FBXW11: variants seen among roughly 807,000 people sequenced by gnomAD.
FBXW11 encodes F-box/WD repeat-containing protein 11.
Under a neutral mutation model 77.6 loss-of-function variants are expected in FBXW11, and 19 were observed. That is an observed-to-expected ratio of 0.24 (90% CI 0.17 to 0.36). The LOEUF (loss-of-function observed/expected upper bound fraction) is 0.36, where lower values mean the gene tolerates loss of function less well. FBXW11 is among the 10% of genes least tolerant of loss of function. The pLI is 1.00. For missense variants in FBXW11, 334 were observed against 704.2 expected (o/e 0.47, Z 5.95); for synonymous variants, 235 against 249.4 (o/e 0.94, Z 0.54).
At chr5:171,916,461 C>T in intron 2 of FBXW11, 1 of 985,280 alleles carries the variant, frequency 1.0e-6, no homozygotes, top group Non-Finnish European at 1.2e-6. Context: ...CAACCATGAG[C>T]TAGAGAGGAA....
intron 2 of FBXW11, among the ~76,000 whole-genome samples, chr5:171,922,862 G>A (rs967340618): frequency 7.9e-5 from 12 of 152,230 alleles, no homozygotes; most frequent in Non-Finnish European, 1.8e-4. Context: ...AATGAATGTG[G>A]ACGAATGTTT....
intron 1 of FBXW11, among the ~76,000 whole-genome samples, chr5:171,999,414 TAC>T (rs1358162115): frequency 2.0e-5 from 3 of 150,718 alleles, no homozygotes; most frequent in Admixed American, 1.3e-4. Flanking sequence ...TATATATATA[TAC>T]ACACACATAT....
chr5:171,887,028 GA>G (rs1048076433), intron 7 of FBXW11, among the ~76,000 whole-genome samples: 22 of 149,970 alleles, frequency 1.5e-4, no homozygotes, highest in African/African-American at 4.4e-4. Flanking sequence ...CAAAAAGTAA[GA>G]AAAAAAAAAT....
chr5:171,946,805 C>CTTTTTT (rs70982356), intron 2 of FBXW11, among the ~76,000 whole-genome samples: 5 of 58,634 alleles, frequency 8.5e-5, no homozygotes, highest in African/African-American at 3.9e-4. Flanking sequence ...GTGTACTTTA[C>CTTTTTT]TTTTTTTTTT....
At chr5:171,890,522 G>A (rs533680729) in intron 7 of FBXW11, among the ~76,000 whole-genome samples, 35 of 150,534 alleles carry the variant, frequency 2.3e-4, no homozygotes, top group African/African-American at 7.0e-4. Context: ...CACTGTAGAT[G>A]GGAATGTGAA....
At chr5:171,965,075 A>C (rs908840677) in intron 1 of FBXW11, among the ~76,000 whole-genome samples, 2 of 152,164 alleles carry the variant, frequency 1.3e-5, no homozygotes, top group Non-Finnish European at 2.9e-5. Flanking sequence ...AATGAGGAAA[A>C]CCAAAATTTA....
intron 1 of FBXW11, among the ~76,000 whole-genome samples, chr5:171,968,700 C>G (rs777847511): frequency 1.3e-5 from 2 of 152,134 alleles, no homozygotes; most frequent in East Asian, 1.9e-4. Context: ...TTTCTAGGAA[C>G]TGAGAGACAT....
chr5:171,862,307 C>T lies in FBXW11; in HGVS notation c.*1820G>A, dbSNP rs1236801978. On this transcript the variant is annotated 3_prime_UTR_variant, in exon 14 of 14. Transcript: ENST00000517395. ...TCAAAAACATAAATTAATTTAGTAACATGGGAAGGAAGGATTTTATTTTTA... is the reference window on the plus strand; with the variant it reads ...TCAAAAACATAAATTAATTTAGTAATATGGGAAGGAAGGATTTTATTTTTA... 1 of 152,578 alleles carries T rather than the reference C, an allele frequency of 6.6e-6. No individual in the cohort carries two copies. Among genetic ancestry groups the T allele is most frequent in the Non-Finnish European group, 1.5e-5 (1 of 68,042 alleles). The allele number at this position is 152,578 out of a possible 1,614,324, so 9.5% of individuals were successfully genotyped here.
At chr5:171,993,859 A>AT (rs1765887594) in intron 1 of FBXW11, among the ~76,000 whole-genome samples, 1 of 152,204 alleles carries the variant, frequency 6.6e-6, no homozygotes, top group Non-Finnish European at 1.5e-5. Flanking sequence ...TGTCAATTTA[A>AT]TTAAAATTAA....
At chr5:171,959,697 A>C (rs1763793217) in intron 1 of FBXW11, among the ~76,000 whole-genome samples, 1 of 151,820 alleles carries the variant, frequency 6.6e-6, no homozygotes, top group South Asian at 2.1e-4. Flanking sequence ...AAAACACAAA[A>C]ATTAGCCAGG....
intron 2 of FBXW11, among the ~76,000 whole-genome samples, chr5:171,926,807 T>C (rs1281412363): frequency 6.6e-6 from 1 of 152,184 alleles, no homozygotes; most frequent in Non-Finnish European, 1.5e-5. Flanking sequence ...GCAGAGATAT[T>C]TGGTTGTATT....
At chr5:171,897,012 T>G (rs1759785784) in intron 6 of FBXW11, among the ~76,000 whole-genome samples, 1 of 152,134 alleles carries the variant, frequency 6.6e-6, no homozygotes, top group Non-Finnish European at 1.5e-5. Flanking sequence ...GTGGTAGCAG[T>G]GGTCTATTGT....
At chr5:171,981,929 T>A (rs77759630) in intron 1 of FBXW11, among the ~76,000 whole-genome samples, 10,238 of 152,278 alleles carry the variant, frequency 0.067, 877 homozygotes, top group African/African-American at 0.21. Context: ...ATACAGTATG[T>A]GCATCTTGTA....
chr5:171,929,531 G>GA (rs1329116021), intron 2 of FBXW11, among the ~76,000 whole-genome samples: 1 of 152,116 alleles, frequency 6.6e-6, no homozygotes, highest in East Asian at 1.9e-4. Context: ...TGTCTAACTA[G>GA]AAAATCCTGC....
At chr5:172,006,014 G>A (rs1264625790) in intron 1 of FBXW11, among the ~76,000 whole-genome samples, 3 of 152,188 alleles carry the variant, frequency 2.0e-5, no homozygotes, top group African/African-American at 4.8e-5. Context: ...GGAGGCCCAG[G>A]CGGCCCCAAC....
chr5:171,959,913 A>G (rs1297862401), intron 1 of FBXW11, among the ~76,000 whole-genome samples: 1 of 152,148 alleles, frequency 6.6e-6, no homozygotes, highest in African/African-American at 2.4e-5. Context: ...GTGCAGGGGA[A>G]TAAGGGCTAA....
intron 1 of FBXW11, among the ~76,000 whole-genome samples, chr5:171,972,528 A>AT (rs1764594290): frequency 6.8e-6 from 1 of 147,440 alleles, no homozygotes; most frequent in African/African-American, 2.5e-5. Context: ...AAAAAAAAAA[A>AT]GTTAAAACTA....
chr5:171,957,774 T>G, intron 1 of FBXW11, 76 bp from the exon 2 acceptor site: 1 of 1,267,586 alleles, frequency 7.9e-7, no homozygotes, highest in Non-Finnish European at 1.2e-6. Context: ...CACAGGCAAC[T>G]TGAATGTTAG....
chr5:171,951,277 G>A (rs1763299774), intron 2 of FBXW11, among the ~76,000 whole-genome samples: 1 of 152,054 alleles, frequency 6.6e-6, no homozygotes, highest in African/African-American at 2.4e-5. Context: ...GCTCACACCT[G>A]TAATCCCAAC....
Sources: gnomAD v4.1 joint callset for allele counts (sites outside exome capture counted in the v4.1 genomes callset) on GRCh38, gnomAD v4.1.1 for gene constraint, MANE v1.5 for transcripts, NCBI Gene and HGNC (gene_info 2026-07-23, HGNC 2026-07-21) for gene names.